The following TANGO6 variants were observed in gnomAD, a reference collection of about 807,000 sequenced individuals.
The protein encoded by TANGO6 is transport and golgi organization 6 homolog, also known as transport and Golgi organization protein 6 homolog.
A neutral mutation model predicts 114.2 loss-of-function variants in TANGO6; 90 were observed. The ratio of observed to expected loss-of-function variants is 0.79; its 90% CI spans 0.66 to 0.94. The LOEUF (loss-of-function observed/expected upper bound fraction) is 0.94. TANGO6 is among the 40% of genes least tolerant of loss of function. The pLI is 0.00. For missense variants in TANGO6, 1,274 were observed against 1,315.3 expected (o/e 0.97, Z 0.49); for synonymous variants, 477 against 509.8 (o/e 0.94, Z 0.87).
chr16:69,019,368 C>G lies in TANGO6; in HGVS notation c.2843-3460C>G, dbSNP rs189598578. Among the ~76,000 whole-genome samples, 421 of 152,230 alleles carry G rather than the reference C, an allele frequency of 2.8e-3. 1 individual carries two copies. Among genetic ancestry groups the G allele is most frequent in the Non-Finnish European group, 4.3e-3 (294 of 68,014 alleles). On this transcript the variant is annotated intron_variant, in intron 15 of 17. Transcript: ENST00000261778. The stretch of plus-strand genomic sequence containing the variant: ...TCAATGATTTAGTTTTGGCAGCATA[C>G]GTTGATGTTAACAGGACAGAGGTGA...
intron 17 of TANGO6, among the ~76,000 whole-genome samples, chr16:69,067,591 G>A (rs181755593): frequency 2.8e-3 from 418 of 151,464 alleles, no homozygotes; most frequent in Admixed American, 4.7e-3. Flanking sequence ...AGGCCAAGGC[G>A]GGCGGATCAT....
intron 14 of TANGO6, among the ~76,000 whole-genome samples, chr16:68,970,726 T>C (rs1475731732): frequency 6.6e-6 from 1 of 151,184 alleles, no homozygotes; most frequent in East Asian, 1.9e-4. Context: ...TAGTAATAGG[T>C]TTCAGAAAAG....
chr16:68,849,300 C>T (rs1290833977), intron 1 of TANGO6, among the ~76,000 whole-genome samples: 2 of 152,128 alleles, frequency 1.3e-5, no homozygotes, highest in Non-Finnish European at 2.9e-5. Context: ...TGCAACTACA[C>T]TCCAGCCTGG....
chr16:69,018,199 A>C (rs888988785), intron 15 of TANGO6, among the ~76,000 whole-genome samples: 2 of 131,142 alleles, frequency 1.5e-5, no homozygotes, highest in Admixed American at 1.8e-4. Flanking sequence ...GCTGGAGTGC[A>C]GTGGTGTGAT....
intron 1 of TANGO6, among the ~76,000 whole-genome samples, chr16:68,858,281 C>G (rs983091346): frequency 5.3e-5 from 8 of 152,186 alleles, no homozygotes; most frequent in African/African-American, 1.9e-4. Context: ...CCAGGCTGGT[C>G]TCCAACTCCT....
At chr16:68,890,017 C>A (rs964482486) in intron 7 of TANGO6, among the ~76,000 whole-genome samples, 1 of 152,180 alleles carries the variant, frequency 6.6e-6, no homozygotes. Context: ...TTACACTCAG[C>A]AAGTGCATTA....
chr16:69,046,197 T>C (rs1420212352), intron 17 of TANGO6, among the ~76,000 whole-genome samples: 1 of 151,200 alleles, frequency 6.6e-6, no homozygotes, highest in Non-Finnish European at 1.5e-5. Context: ...CCAATATAAA[T>C]ACAACCCAAT....
At chr16:68,891,062 T>TG (rs1408828991) in intron 7 of TANGO6, among the ~76,000 whole-genome samples, 21 of 142,940 alleles carry the variant, frequency 1.5e-4, no homozygotes, top group Non-Finnish European at 2.9e-4. Context: ...GAGGCCGAGG[T>TG]GGGGGGATCG....
chr16:68,845,743 A>G (rs1052329444), intron 1 of TANGO6, among the ~76,000 whole-genome samples: 1 of 152,110 alleles, frequency 6.6e-6, no homozygotes, highest in Non-Finnish European at 1.5e-5. Context: ...GGAGGCTGAG[A>G]TGGGAGGATT....
intron 1 of TANGO6, among the ~76,000 whole-genome samples, chr16:68,849,398 AG>A (rs1197046199): frequency 6.6e-6 from 1 of 152,144 alleles, no homozygotes; most frequent in Admixed American, 6.6e-5. Flanking sequence ...GCATTTTGGG[AG>A]GCTGAAGTGG....
At chr16:68,879,734 A>C (rs1004944410) in intron 6 of TANGO6, among the ~76,000 whole-genome samples, 3 of 149,692 alleles carry the variant, frequency 2.0e-5, no homozygotes, top group African/African-American at 7.4e-5. Context: ...CTCCTGCCTC[A>C]GCCTCCTGAG....
chr16:69,072,583 G>A (rs879487701), intron 17 of TANGO6, among the ~76,000 whole-genome samples: 7 of 152,166 alleles, frequency 4.6e-5, no homozygotes, highest in Admixed American at 1.3e-4. Context: ...TCCTTGGGGA[G>A]TCCAGAGGAA....
At chr16:68,864,109 G>A (rs1298154808) in intron 3 of TANGO6, among the ~76,000 whole-genome samples, 1 of 152,044 alleles carries the variant, frequency 6.6e-6, no homozygotes, top group Non-Finnish European at 1.5e-5. Flanking sequence ...AAGAGGCAGA[G>A]GTTGCAGCGA....
chr16:68,953,357 A>G (rs1029411156), intron 14 of TANGO6, among the ~76,000 whole-genome samples: 1 of 152,094 alleles, frequency 6.6e-6, no homozygotes, highest in Non-Finnish European at 1.5e-5. Flanking sequence ...TGCTGGGATT[A>G]TAGGCGTGAG....
At chr16:68,946,347 A>G (rs1036823447) in intron 14 of TANGO6, among the ~76,000 whole-genome samples, 2 of 151,856 alleles carry the variant, frequency 1.3e-5, no homozygotes, top group African/African-American at 4.8e-5. Flanking sequence ...TCCCACCACA[A>G]TGCCCGGCTA....
intron 15 of TANGO6, among the ~76,000 whole-genome samples, chr16:68,995,587 AG>A (rs1963983490): frequency 6.6e-6 from 1 of 152,186 alleles, no homozygotes; most frequent in Non-Finnish European, 1.5e-5. Flanking sequence ...GGGAAAGAAG[AG>A]GGGAATTTTT....
At chr16:68,847,459 C>G (rs1381077314) in intron 1 of TANGO6, among the ~76,000 whole-genome samples, 1 of 152,148 alleles carries the variant, frequency 6.6e-6, no homozygotes, top group Admixed American at 6.6e-5. Flanking sequence ...GCAGAGAAGA[C>G]TACTTCATTA....
chr16:69,011,571 C>T (rs764513258), intron 15 of TANGO6, among the ~76,000 whole-genome samples: 5 of 152,098 alleles, frequency 3.3e-5, no homozygotes. Context: ...CCTCCCACCT[C>T]AGCCTCCCTA....
chr16:68,978,131 A>G (rs75138334), intron 15 of TANGO6, among the ~76,000 whole-genome samples: 5,274 of 152,312 alleles, frequency 0.035, 321 homozygotes, highest in African/African-American at 0.12. Context: ...TGAAGGGTGT[A>G]CCACTGGGAT....
Sources: gnomAD v4.1 joint callset for allele counts (sites outside exome capture counted in the v4.1 genomes callset) on GRCh38, gnomAD v4.1.1 for gene constraint, MANE v1.5 for transcripts, NCBI Gene and HGNC (gene_info 2026-07-23, HGNC 2026-07-21) for gene names.